KIAA0586: variants seen among roughly 807,000 people sequenced by gnomAD.
KIAA0586 encodes protein TALPID3.
KIAA0586 carries 144 observed loss-of-function variants against 169.8 expected under a neutral mutation model. The observed-to-expected ratio is 0.85, with a 90% CI of 0.74 to 0.97. The LOEUF (loss-of-function observed/expected upper bound fraction) is 0.97. Among genes scored for constraint, KIAA0586 ranks in the 50% least tolerant of loss-of-function variants. KIAA0586 has a pLI of 0.00. For synonymous variants in KIAA0586, 625 were observed against 612.4 expected (o/e 1.02, Z -0.30); for missense variants, 1,854 against 1,823.0 (o/e 1.02, Z -0.31).
rs2037017397 is a variant in KIAA0586 at position 58,428,264 on chromosome 14, T to C, written c.-1T>C. On this transcript the variant is annotated 5_prime_UTR_variant, in exon 1 of 31. Coordinates refer to ENST00000652326, the MANE Select transcript of KIAA0586 (RefSeq NM_001329943.3). ...GTGGGACTTGTTTTGTGACCAACAA[T>C]ATGAAAGGCTCTGAGGTCAGCTTGG... The C allele has an allele frequency of 1.2e-6, 2 of 1,612,896 alleles. No homozygotes were observed. The highest frequency in any genetic ancestry group is 1.7e-5 in the Admixed American group (1 of 59,780).
At chr14:58,560,150 C>CAAA in the KIAA0586 span, among the ~76,000 whole-genome samples, 9 of 86,324 alleles carry the variant, frequency 1.0e-4, no homozygotes, top group African/African-American at 3.6e-4. Context: ...GACTCCATCT[C>CAAA]AAAAAAAAAA....
At chr14:58,524,200 TCAGAAGTGTG>T (rs1295636559) in intron 29 of KIAA0586, among the ~76,000 whole-genome samples, 1 of 152,198 alleles carries the variant, frequency 6.6e-6, no homozygotes, top group Non-Finnish European at 1.5e-5. Context: ...ATCTCTCCAT[TCAGAAGTGTG>T]CAGTCTTAAT....
chr14:58,526,022 TG>T (rs1181047667), intron 29 of KIAA0586, among the ~76,000 whole-genome samples: 1 of 152,210 alleles, frequency 6.6e-6, no homozygotes, highest in Non-Finnish European at 1.5e-5. Flanking sequence ...TCCTCTTCTC[TG>T]GGCAGGGCAT....
chr14:58,507,669 A>T (rs1440043888), intron 27 of KIAA0586, among the ~76,000 whole-genome samples: 2 of 152,144 alleles, frequency 1.3e-5, no homozygotes, highest in African/African-American at 4.8e-5. Flanking sequence ...GTACTCATAT[A>T]TGAAAGTGCT....
intron 1 of KIAA0586, among the ~76,000 whole-genome samples, chr14:58,428,710 T>A (rs1368044906): frequency 6.6e-6 from 1 of 151,864 alleles, no homozygotes; most frequent in Non-Finnish European, 1.5e-5. Flanking sequence ...ATTTTTTTTT[T>A]TATATTTATG....
At chr14:58,462,730 G>A (rs2040428377) in intron 14 of KIAA0586, among the ~76,000 whole-genome samples, 2 of 152,154 alleles carry the variant, frequency 1.3e-5, no homozygotes, top group African/African-American at 4.8e-5. Flanking sequence ...AAAACTACCT[G>A]AGACTGAGTA....
At chr14:58,453,761 G>T (rs1383083158) in intron 9 of KIAA0586, among the ~76,000 whole-genome samples, 1 of 152,030 alleles carries the variant, frequency 6.6e-6, no homozygotes, top group Non-Finnish European at 1.5e-5. Context: ...ATAGGTTAGG[G>T]GCAAGTAAGT....
intron 26 of KIAA0586, among the ~76,000 whole-genome samples, chr14:58,495,454 A>G (rs2141271418): frequency 6.6e-6 from 1 of 152,020 alleles, no homozygotes; most frequent in Middle Eastern, 3.4e-3. Flanking sequence ...GGCGTGTACC[A>G]TACCTAGCTA....
chr14:58,463,038 T>C (rs570074397), intron 14 of KIAA0586, among the ~76,000 whole-genome samples: 1 of 152,280 alleles, frequency 6.6e-6, no homozygotes, highest in East Asian at 1.9e-4. Context: ...AGCCAAGCCA[T>C]ATCAGAACCT....
At chr14:58,524,832 C>T (rs2045468934) in intron 29 of KIAA0586, among the ~76,000 whole-genome samples, 1 of 152,206 alleles carries the variant, frequency 6.6e-6, no homozygotes, top group Non-Finnish European at 1.5e-5. Context: ...TTTCTTGCCT[C>T]AGCCTCCCAA....
intron 8 of KIAA0586, among the ~76,000 whole-genome samples, chr14:58,451,182 G>A (rs1325128095): frequency 6.6e-6 from 1 of 151,310 alleles, no homozygotes; most frequent in South Asian, 2.1e-4. Context: ...GTAAAGGCGG[G>A]GTTTCACCGT....
chr14:58,458,614 C>T (rs2040066082), intron 12 of KIAA0586, 69 bp downstream of exon 12: 2 of 787,968 alleles, frequency 2.5e-6, no homozygotes, highest in Non-Finnish European at 4.0e-6. Context: ...AATTTACAGG[C>T]ATTACATTTG....
chr14:58,518,025 ATAT>A (rs1365365045), intron 29 of KIAA0586, among the ~76,000 whole-genome samples: 1 of 152,190 alleles, frequency 6.6e-6, no homozygotes, highest in African/African-American at 2.4e-5. Context: ...TTTGATGGAA[ATAT>A]TATATATCTT....
chr14:58,500,206 T>A (rs1406256693), intron 27 of KIAA0586, among the ~76,000 whole-genome samples: 2 of 152,226 alleles, frequency 1.3e-5, no homozygotes, highest in East Asian at 3.8e-4. Flanking sequence ...GAGCCTCTGG[T>A]CATAACATTT....
At chr14:58,507,881 T>A (rs2044116640) in intron 27 of KIAA0586, among the ~76,000 whole-genome samples, 1 of 151,846 alleles carries the variant, frequency 6.6e-6, no homozygotes, top group Non-Finnish European at 1.5e-5. Context: ...GCCTCCTGGG[T>A]TCAAGCGATT....
chr14:58,511,528 G>A (rs2044384904), intron 28 of KIAA0586, among the ~76,000 whole-genome samples: 2 of 152,154 alleles, frequency 1.3e-5, no homozygotes, highest in Non-Finnish European at 2.9e-5. Flanking sequence ...TTCGCTGTGA[G>A]TAAGTAAGGA....
intron 23 of KIAA0586, 22 bp downstream of exon 23, chr14:58,488,131 A>G (rs757020025): frequency 3.9e-5 from 58 of 1,498,902 alleles, no homozygotes; most frequent in Non-Finnish European, 4.9e-5. Flanking sequence ...CATACTCACT[A>G]GTAACTGTAC....
intron 29 of KIAA0586, among the ~76,000 whole-genome samples, chr14:58,532,814 T>TTAAGCTCGAATTACTTTAA (rs1474266713): frequency 1.3e-5 from 2 of 152,228 alleles, no homozygotes; most frequent in Admixed American, 6.5e-5. Context: ...TGCAATTACT[T>TTAAGCTCGAATTACTTTAA]GTGAATTATT....
intron 27 of KIAA0586, among the ~76,000 whole-genome samples, chr14:58,506,730 G>A (rs1238642104): frequency 6.6e-6 from 1 of 151,688 alleles, no homozygotes; most frequent in African/African-American, 2.4e-5. Context: ...TTCGCTTTAT[G>A]TAAAAGCCCA....
Sources: gnomAD v4.1 joint callset for allele counts (sites outside exome capture counted in the v4.1 genomes callset) on GRCh38, gnomAD v4.1.1 for gene constraint, MANE v1.5 for transcripts, NCBI Gene and HGNC (gene_info 2026-07-23, HGNC 2026-07-21) for gene names.